Variants in APBB2 observed in about 807,000 individuals in gnomAD.
APBB2 encodes the protein Fe65-like 1.
In APBB2, 38 loss-of-function variants were observed where a neutral mutation model predicts 82.5. The observed-to-expected ratio is 0.46, with a 90% confidence interval of 0.36 to 0.60. APBB2 has a LOEUF of 0.60. Among genes scored for constraint, APBB2 ranks in the 20% least tolerant of loss-of-function variants. APBB2 has a pLI of 0.00. For missense variants in APBB2, 772 were observed against 972.3 expected (o/e 0.79, Z 2.74); for synonymous variants, 341 against 368.2 (o/e 0.93, Z 0.85).
intron 3 of APBB2, among the ~76,000 whole-genome samples, chr4:41,070,296 C>T (rs1328624868): frequency 6.6e-6 from 1 of 152,030 alleles, no homozygotes; most frequent in East Asian, 1.9e-4. Context: ...TTACTGGACA[C>T]ATTTTATTTT....
intron 2 of APBB2, among the ~76,000 whole-genome samples, chr4:41,130,528 G>C (rs1035318504): frequency 6.6e-6 from 1 of 152,172 alleles, no homozygotes; most frequent in African/African-American, 2.4e-5. Flanking sequence ...TCTGCTATCA[G>C]AACTTGCAAT....
intron 1 of APBB2, among the ~76,000 whole-genome samples, chr4:41,180,273 A>G (rs989406846): frequency 6.6e-5 from 10 of 152,324 alleles, no homozygotes; most frequent in Non-Finnish European, 1.3e-4. Flanking sequence ...GTAAACCTGC[A>G]TGAAGGTGGG....
intron 1 of APBB2, among the ~76,000 whole-genome samples, chr4:41,208,298 T>A (rs1430496503): frequency 6.6e-6 from 1 of 152,132 alleles, no homozygotes; most frequent in Non-Finnish European, 1.5e-5. Flanking sequence ...GTCTCGCCCT[T>A]TCACCCAGGC....
At chr4:40,998,006 G>T (rs1560487857) in intron 6 of APBB2, among the ~76,000 whole-genome samples, 1 of 152,208 alleles carries the variant, frequency 6.6e-6, no homozygotes, top group Non-Finnish European at 1.5e-5. Context: ...ACAACTGACA[G>T]ACAAACTATG....
At chr4:40,816,369 T>A in intron 17 of APBB2, 110 bp from the exon 18 acceptor site, 1 of 1,115,754 alleles carries the variant, frequency 9.0e-7, no homozygotes, top group Non-Finnish European at 1.3e-6. Context: ...GTTAACGACC[T>A]AGTTCCTAAA....
chr4:40,942,639 G>A (rs577168535), intron 7 of APBB2, among the ~76,000 whole-genome samples: 9 of 152,228 alleles, frequency 5.9e-5, no homozygotes, highest in African/African-American at 1.9e-4. Context: ...GCCGAGCAGC[G>A]GGGCTGTTGG....
In APBB2 at chr4:40,880,244, A is replaced by T. The variant is rs183963287; in HGVS notation, c.1529+10120T>A. 182 of 985,372 alleles carry T rather than the reference A, an allele frequency of 1.8e-4. 1 individual carries two copies. Among genetic ancestry groups the T allele is most frequent in the Non-Finnish European group, 2.2e-4 (179 of 829,922 alleles). The allele number at this position is 985,372 out of a possible 1,614,324, so 61.0% of individuals were successfully genotyped here. On this transcript the variant is annotated intron_variant, in intron 12 of 17. Coordinates refer to ENST00000508593, the MANE Select transcript of APBB2 (RefSeq NM_004307.2). ...TCTCTTGACCTACTCTAGCTCTCAAAAACTCGACACAATGAGACTCCTTGA... is the reference window on the plus strand; with the variant it reads ...TCTCTTGACCTACTCTAGCTCTCAATAACTCGACACAATGAGACTCCTTGA...
chr4:40,867,111 C>A (rs1198313083), intron 12 of APBB2, among the ~76,000 whole-genome samples: 2 of 152,146 alleles, frequency 1.3e-5, no homozygotes, highest in African/African-American at 4.8e-5. Flanking sequence ...CCTGCTTTTA[C>A]AAATAAAAGC....
chr4:41,037,715 G>C (rs529571063), intron 4 of APBB2, among the ~76,000 whole-genome samples: 1 of 152,220 alleles, frequency 6.6e-6, no homozygotes, highest in African/African-American at 2.4e-5. Context: ...AGAGAATGTA[G>C]ACAAATTCAA....
At chr4:40,889,132 C>T (rs1056970322) in intron 12 of APBB2, among the ~76,000 whole-genome samples, 5 of 152,216 alleles carry the variant, frequency 3.3e-5, no homozygotes, top group Non-Finnish European at 5.9e-5. Flanking sequence ...CACTCTGGTA[C>T]GAAAGCTCAA....
intron 6 of APBB2, among the ~76,000 whole-genome samples, chr4:41,003,285 C>T (rs1805736011): frequency 6.6e-6 from 1 of 152,188 alleles, no homozygotes; most frequent in Non-Finnish European, 1.5e-5. Context: ...GTATATTCCA[C>T]TCAAAGTCTC....
intron 6 of APBB2, among the ~76,000 whole-genome samples, chr4:40,999,905 A>G (rs1486549928): frequency 6.6e-6 from 1 of 152,004 alleles, no homozygotes; most frequent in Admixed American, 6.6e-5. Context: ...GGGCTTAACA[A>G]AAAAAAGGCA....
intron 4 of APBB2, among the ~76,000 whole-genome samples, chr4:41,036,861 C>G (rs1719387144): frequency 6.6e-6 from 1 of 152,180 alleles, no homozygotes; most frequent in Admixed American, 6.5e-5. Flanking sequence ...CTAATTAAAA[C>G]AGTTTCTGAG....
chr4:41,044,677 G>C (rs192158239), intron 4 of APBB2, among the ~76,000 whole-genome samples: 1 of 152,244 alleles, frequency 6.6e-6, no homozygotes, highest in East Asian at 1.9e-4. Context: ...TTCTTTCAGC[G>C]TAAGAGTTTC....
intron 7 of APBB2, among the ~76,000 whole-genome samples, chr4:40,941,408 G>A (rs1334125421): frequency 6.6e-6 from 1 of 152,174 alleles, no homozygotes; most frequent in Non-Finnish European, 1.5e-5. Flanking sequence ...CCCTTAGGGT[G>A]AGTTAAAGGG....
At chr4:40,971,156 T>TA (rs1318406722) in intron 6 of APBB2, among the ~76,000 whole-genome samples, 4 of 152,188 alleles carry the variant, frequency 2.6e-5, no homozygotes, top group African/African-American at 9.6e-5. Flanking sequence ...TACCGACTGA[T>TA]AAACTCCAGC....
intron 4 of APBB2, among the ~76,000 whole-genome samples, chr4:41,056,391 C>A (rs1325205444): frequency 3.9e-5 from 6 of 152,108 alleles, no homozygotes; most frequent in Non-Finnish European, 7.4e-5. Context: ...GCCTGATCTG[C>A]CAACAACTTG....
rs539727258 is a variant in APBB2 at position 40,913,074 on chromosome 4, T to G, written c.1255-19663A>C. On this transcript the variant is annotated intron_variant, in intron 10 of 17. Coordinates refer to ENST00000508593, the MANE Select transcript of APBB2 (RefSeq NM_004307.2). ...AGGAAAATCGGAATGCACACCAAAC[T>G]GTGCACATGAAGTGGAACATTGCAT... 7.2e-5 allele frequency among the ~76,000 whole-genome samples: 11 copies of G among 152,292 alleles called. No individual in the cohort carries two copies. In the South Asian group the frequency reaches 2.1e-3, roughly 29 times the overall value.
At chr4:40,845,588 CAAAAAAAAAA>C (rs71198606) in intron 12 of APBB2, among the ~76,000 whole-genome samples, 7 of 56,482 alleles carry the variant, frequency 1.2e-4, no homozygotes, top group Non-Finnish European at 1.8e-4. Context: ...GGAAATTCCT[CAAAAAAAAAA>C]AAAAAAAAAA....
Sources: gnomAD v4.1 joint callset for allele counts (sites outside exome capture counted in the v4.1 genomes callset) on GRCh38, gnomAD v4.1.1 for gene constraint, MANE v1.5 for transcripts, NCBI Gene and HGNC (gene_info 2026-07-23, HGNC 2026-07-21) for gene names.